The following DOCK7 variants were observed in gnomAD, a reference collection of about 807,000 sequenced individuals.
DOCK7 encodes the protein dedicator of cytokinesis protein 7.
DOCK7 carries 138 observed loss-of-function variants against 271.0 expected under a neutral mutation model. The observed-to-expected ratio is 0.51, with a 90% CI of 0.44 to 0.59. The LOEUF (loss-of-function observed/expected upper bound fraction) is 0.59, where lower values mean the gene tolerates loss of function less well. DOCK7 is among the 20% of genes least tolerant of loss of function. The probability of loss-of-function intolerance (pLI) is 0.00; values close to 1 mark genes in which losing one functional copy is unlikely to be tolerated. For missense variants in DOCK7, 2,066 were observed against 2,592.4 expected, an observed-to-expected ratio of 0.80 and a Z score of 4.41; for synonymous variants, 823 against 876.1, an observed-to-expected ratio of 0.94 and a Z score of 1.07.
chr1:62,517,666 T>A (rs1156415568), intron 31 of DOCK7, among the ~76,000 whole-genome samples: 1 of 152,138 alleles, frequency 6.6e-6, no homozygotes, highest in Non-Finnish European at 1.5e-5. Context: ...CAACTTTCCA[T>A]CTCATTACTT....
chr1:62,533,471 A>T (rs1645241416), intron 29 of DOCK7, among the ~76,000 whole-genome samples: 4 of 152,038 alleles, frequency 2.6e-5, no homozygotes, highest in Non-Finnish European at 4.4e-5. Flanking sequence ...TCATTTGTCA[A>T]ATGGCAAAAT....
intron 40 of DOCK7, 146 bp from the exon 41 acceptor site, chr1:62,492,993 A>G: frequency 3.3e-6 from 2 of 613,586 alleles, no homozygotes; most frequent in Non-Finnish European, 5.4e-6. Context: ...TAAATCTCTA[A>G]AAACTTTCTG....
rs1011864865 is a variant in DOCK7 at position 62,475,941 on chromosome 1, T to A, written c.5727A>T (p.Ala1909=). The A allele has an allele frequency of 4.3e-6, 7 of 1,613,046 alleles. No individual in the cohort carries two copies. The highest frequency in any genetic ancestry group is 5.9e-6 in the Non-Finnish European group (7 of 1,179,458). The change falls in exon 46 of 50, where the codon GCA becomes GCT. Residue 1909 remains alanine (A), a splice_region_variant and synonymous_variant. Coordinates refer to ENST00000635253, the MANE Select transcript of DOCK7 (RefSeq NM_001367561.1). ...VDKCKLDPNK[A]YIQITYVEPY... ...GCTCCACATAGGTAATCTGAATATATGCCTAGGAAAGAAAAAAGTCCTTCA... is the reference window on the plus strand; with the variant it reads ...GCTCCACATAGGTAATCTGAATATAAGCCTAGGAAAGAAAAAAGTCCTTCA...
chr1:62,508,758 G>T (rs978171099), intron 34 of DOCK7, among the ~76,000 whole-genome samples: 1 of 149,768 alleles, frequency 6.7e-6, no homozygotes, highest in African/African-American at 2.5e-5. Context: ...AAAGAAAAAA[G>T]AACAAAACAG....
intron 29 of DOCK7, chr1:62,530,565 A>T (rs559651028): frequency 6.6e-6 from 1 of 152,202 alleles, no homozygotes; most frequent in Non-Finnish European, 1.5e-5. Flanking sequence ...CTAGATGGAG[A>T]TTCTTTCTTC....
intron 18 of DOCK7, among the ~76,000 whole-genome samples, chr1:62,567,185 TC>T (rs1202297437): frequency 1.3e-5 from 2 of 152,182 alleles, no homozygotes; most frequent in African/African-American, 4.8e-5. Flanking sequence ...GACCCTGCAA[TC>T]CCATTACTGG....
intron 48 of DOCK7, among the ~76,000 whole-genome samples, chr1:62,470,665 G>A (rs1328712435): frequency 6.6e-6 from 1 of 152,036 alleles, no homozygotes; most frequent in Non-Finnish European, 1.5e-5. Flanking sequence ...ATGGTGGTGG[G>A]CACCTGTAAT....
chr1:62,569,722 C>T (rs74845863), intron 18 of DOCK7, among the ~76,000 whole-genome samples: 99 of 136,314 alleles, frequency 7.3e-4, no homozygotes, highest in African/African-American at 2.2e-3. Flanking sequence ...TCCCCCCCCC[C>T]TTTTTTTTTG....
intron 41 of DOCK7, among the ~76,000 whole-genome samples, chr1:62,491,146 AC>A (rs1399411707): frequency 1.3e-5 from 2 of 152,266 alleles, no homozygotes; most frequent in Non-Finnish European, 2.9e-5. Flanking sequence ...CTGAAGTAAG[AC>A]AACTACTAAA....
chr1:62,474,022 G>C lies in DOCK7; in HGVS notation c.6172C>G (p.His2058Asp). ...TTAAAGCAGAGTCGCAGTTTATTAT[G>C]ATGTCTGAAGAGCTTTGGGTCACTA... Reference protein sequence around the residue: ...IPSDPKLFRHHNKLRLCFKDF... With the variant: ...IPSDPKLFRHDNKLRLCFKDF... The change falls in exon 48 of 50, where the codon CAT (histidine) becomes GAT (aspartate). Residue 2058 changes from histidine (H) to aspartate (D), a missense_variant. By Grantham distance (81) the His-to-Asp change is moderately conservative (BLOSUM62 -1). Coordinates refer to ENST00000635253, the MANE Select transcript of DOCK7 (RefSeq NM_001367561.1). 9 of 1,614,008 alleles carry C rather than the reference G, an allele frequency of 5.6e-6. No individual in the cohort carries two copies. Among genetic ancestry groups the C allele is most frequent in the Non-Finnish European group, 7.6e-6 (9 of 1,179,954 alleles).
At chr1:62,659,558 A>C (rs1658430770) in intron 2 of DOCK7, among the ~76,000 whole-genome samples, 1 of 152,218 alleles carries the variant, frequency 6.6e-6, no homozygotes, top group Admixed American at 6.5e-5. Flanking sequence ...ACAACATTAA[A>C]TTACAAATTT....
chr1:62,485,870 G>A, intron 43 of DOCK7: 1 of 192,626 alleles, frequency 5.2e-6, no homozygotes, highest in Non-Finnish European at 9.5e-6. Flanking sequence ...CAAAGCTAAA[G>A]GTCCAGTAAA....
chr1:62,593,417 A>G (rs1648751907), intron 14 of DOCK7, among the ~76,000 whole-genome samples: 1 of 152,098 alleles, frequency 6.6e-6, no homozygotes, highest in Non-Finnish European at 1.5e-5. Context: ...TAAAAATACA[A>G]AAATTAGCCA....
chr1:62,643,377 G>C (rs564960888), intron 7 of DOCK7, among the ~76,000 whole-genome samples: 2 of 152,274 alleles, frequency 1.3e-5, no homozygotes, highest in South Asian at 2.1e-4. Context: ...TTTGTTGAAA[G>C]GTAATTTTAC....
rs530109522 is a variant in DOCK7, at chr1:62,571,610, C to T, written c.2112+5652G>A. ...ATAAAGACACATGCATGTGTATGTT[C>T]ATTGCAGCACTATTCACAATAGCAA... is the stretch of plus-strand genomic sequence containing the variant. On this transcript the variant is annotated intron_variant, in intron 18 of 49. Coordinates refer to ENST00000635253, the MANE Select transcript of DOCK7 (RefSeq NM_001367561.1). 7.9e-4 allele frequency among the ~76,000 whole-genome samples: 120 copies of T among 152,226 alleles called. 1 individual carries two copies. Among genetic ancestry groups the T allele is most frequent in the African/African-American group, 2.5e-3 (103 of 41,552 alleles).
intron 2 of DOCK7, among the ~76,000 whole-genome samples, chr1:62,656,008 A>G (rs867781077): frequency 2.0e-5 from 3 of 152,162 alleles, no homozygotes; most frequent in Admixed American, 1.3e-4. Context: ...TTTTTCTCTC[A>G]TAAGCCTTCT....
intron 14 of DOCK7, among the ~76,000 whole-genome samples, chr1:62,610,454 A>C (rs1651621570): frequency 6.6e-6 from 1 of 152,032 alleles, no homozygotes; most frequent in Non-Finnish European, 1.5e-5. Flanking sequence ...TAATAGAAAC[A>C]TACATTTACT....
chr1:62,590,420 G>C (rs551777974), intron 14 of DOCK7, among the ~76,000 whole-genome samples: 2 of 152,260 alleles, frequency 1.3e-5, no homozygotes, highest in Admixed American at 1.3e-4. Flanking sequence ...TGGTGGGAAA[G>C]AACAGAATCC....
intron 14 of DOCK7, chr1:62,597,566 A>C: frequency 6.2e-7 from 1 of 1,612,456 alleles, no homozygotes; most frequent in Non-Finnish European, 8.5e-7. Context: ...TCAAGATAAA[A>C]ATGTTCACAA....
Sources: gnomAD v4.1 joint callset for allele counts (sites outside exome capture counted in the v4.1 genomes callset) on GRCh38, gnomAD v4.1.1 for gene constraint, MANE v1.5 for transcripts, NCBI Gene and HGNC (gene_info 2026-07-23, HGNC 2026-07-21) for gene names.